The following CLSTN1 variants were observed in gnomAD, a reference collection of about 807,000 sequenced individuals.
CLSTN1 encodes calsyntenin 1, also known as calsyntenin-1.
In CLSTN1, 28 loss-of-function variants were observed where a neutral mutation model predicts 108.3. That is an observed-to-expected ratio of 0.26 (90% confidence interval 0.19 to 0.35). The LOEUF (loss-of-function observed/expected upper bound fraction) is 0.35, where lower values mean the gene tolerates loss of function less well. CLSTN1 is among the 10% of genes least tolerant of loss of function. The pLI is 1.00. For synonymous variants in CLSTN1, 524 were observed against 534.9 expected (o/e 0.98, Z 0.28); for missense variants, 1,157 against 1,302.6 (o/e 0.89, Z 1.72).
At position 9,731,385 on chromosome 1, in the gene CLSTN1, G is replaced by C; in HGVS notation, c.2569C>G (p.Pro857Ala). 1 of 1,613,476 alleles carries C rather than the reference G, an allele frequency of 6.2e-7. No homozygotes were observed. Among genetic ancestry groups the C allele is most frequent in the Non-Finnish European group, 8.5e-7 (1 of 1,179,424 alleles). The change falls in exon 18 of 19, where the codon CCC (proline) becomes GCC (alanine). Residue 857 changes from proline (P) to alanine (A), a missense_variant. Coordinates refer to ENST00000377298, the MANE Select transcript of CLSTN1 (RefSeq NM_001009566.3). ...LANPHPFAVVPSTATVVIVVC... is the reference protein window; with the variant it reads ...LANPHPFAVVASTATVVIVVC... ...ACGATCACAACTGTCGCAGTGCTGG[G>C]GACGACTGTGGGAGAATGAGGGGGC...
At chr1:9,731,102 G>A (rs372857026) in intron 18 of CLSTN1, 104 bp downstream of exon 18, 102 of 1,340,084 alleles carry the variant, frequency 7.6e-5, no homozygotes, top group Admixed American at 4.6e-4. Context: ...AGCAGATGAC[G>A]CGATGGAAAG....
rs138774376 is a variant in CLSTN1, at chr1:9,731,282, C to T, written c.2672G>A (p.Arg891Gln). The T allele has an allele frequency of 9.4e-5, 151 of 1,614,250 alleles. No individual in the cohort carries two copies. In the African/African-American group the frequency reaches 1.0e-3, roughly 11 times the overall value. ...RIRAAHRRTM[R>Q]DQDTGKENEM... The stretch of plus-strand genomic sequence containing the variant: ...GTTCTCCTTCCCGGTGTCCTGATCC[C>T]GCATGGTCCGCCGATGTGCGGCCCG... Residue 891 changes from arginine (R) to glutamine (Q), a missense_variant, in exon 18 of 19, where the codon CGG (arginine) becomes CAG (glutamine). Physicochemically the swap from Arg to Gln is conservative, Grantham distance 43 (BLOSUM62 1). Coordinates refer to ENST00000377298, the MANE Select transcript of CLSTN1 (RefSeq NM_001009566.3).
rs147714343 is a variant in CLSTN1, at chr1:9,730,958, T to C, written c.2748+248A>G. ...CCTCAGCTGCCCCACCAGAGAACTCTCTCAGGATTACCATGACCCAAGAGC... is the reference window on the plus strand; with the variant it reads ...CCTCAGCTGCCCCACCAGAGAACTCCCTCAGGATTACCATGACCCAAGAGC... On this transcript the variant is annotated intron_variant, in intron 18 of 18. Coordinates refer to ENST00000377298, the MANE Select transcript of CLSTN1 (RefSeq NM_001009566.3). This position sits in a 1 kb window ranked among gnomAD's most constrained non-coding sequence, Gnocchi z 5.6. Among the ~76,000 whole-genome samples the C allele has an allele frequency of 6.6e-6, 1 of 152,120 alleles. No individual in the cohort carries two copies. Among genetic ancestry groups the C allele is most frequent in the Non-Finnish European group, 1.5e-5 (1 of 68,028 alleles).
At position 9,806,236 on chromosome 1, in the gene CLSTN1, G is replaced by T. The variant is rs191422419; in HGVS notation, c.91+17407C>A. Among the ~76,000 whole-genome samples, 7 of 151,740 alleles carry T rather than the reference G, an allele frequency of 4.6e-5. No homozygotes were observed. In the East Asian group the frequency reaches 7.8e-4, roughly 17 times the overall value. ...ACCCAGGGCAGGGGGGGTGGAGGGG[G>T]GGAGGTTGCAGTGAGCTGAGATCAC... is the stretch of plus-strand genomic sequence containing the variant. On this transcript the variant is annotated intron_variant, in intron 1 of 18. Transcript: ENST00000377298.
chr1:9,742,518 A>G (rs1651035309), intron 9 of CLSTN1, among the ~76,000 whole-genome samples: 1 of 152,238 alleles, frequency 6.6e-6, no homozygotes, highest in East Asian at 1.9e-4. Context: ...TATACTTAGA[A>G]GAAACTAAAT....
chr1:9,733,961 G>T lies in CLSTN1; in HGVS notation c.2281+11C>A. The T allele has an allele frequency of 1.2e-6, 2 of 1,602,668 alleles. No homozygotes were observed. Among genetic ancestry groups the T allele is most frequent in the Non-Finnish European group, 8.5e-7 (1 of 1,173,258 alleles). On this transcript the variant is annotated intron_variant, in intron 15 of 18. Transcript: ENST00000377298. ...CCTGGCCCACCTGCGTGGCTGCAGC[G>T]CTCCCCTTACCTGTGAAGGTCATGC...
At chr1:9,761,481 G>A (rs1047952909) in intron 2 of CLSTN1, among the ~76,000 whole-genome samples, 7 of 152,150 alleles carry the variant, frequency 4.6e-5, no homozygotes, top group South Asian at 2.1e-4. Flanking sequence ...TACTCTGGGC[G>A]ACGGAGTGAG....
chr1:9,755,349 A>G (rs373800537), intron 3 of CLSTN1, 40 bp from the exon 4 acceptor site: 5 of 1,532,096 alleles, frequency 3.3e-6, no homozygotes, highest in Non-Finnish European at 4.5e-6. Flanking sequence ...TTCCTACCAC[A>G]TAGATCTTCT....
intron 1 of CLSTN1, among the ~76,000 whole-genome samples, chr1:9,787,719 T>C (rs1653561845): frequency 6.6e-6 from 1 of 151,342 alleles, no homozygotes; most frequent in African/African-American, 2.4e-5. Flanking sequence ...TCCAAACAAG[T>C]TTTTTTAATG....
chr1:9,730,548 T>TGCC lies in CLSTN1; in HGVS notation c.2903_2905dup (p.Arg968dup), dbSNP rs1173105567. ...GGAGTCATCCCACTCCAGCTGCTGCTGCCGGGTTGCGTTCTGGGGGTCGCC... is the reference window on the plus strand; with the variant it reads ...GGAGTCATCCCACTCCAGCTGCTGCTGCCGCCGGGTTGCGTTCTGGGGGTCGCC... On this transcript the variant is annotated inframe_insertion, in exon 19 of 19. Coordinates refer to ENST00000377298, the MANE Select transcript of CLSTN1 (RefSeq NM_001009566.3). The surrounding 1 kb of genome is among the most constrained non-coding windows in gnomAD (Gnocchi z 5.6). The TGCC allele has an allele frequency of 3.1e-6, 5 of 1,607,420 alleles. No individual in the cohort carries two copies. The highest frequency in any genetic ancestry group is 3.4e-6 in the Non-Finnish European group (4 of 1,179,954).
At chr1:9,815,212 C>A (rs1654922468) in intron 1 of CLSTN1, among the ~76,000 whole-genome samples, 1 of 152,142 alleles carries the variant, frequency 6.6e-6, no homozygotes, top group South Asian at 2.1e-4. Flanking sequence ...AAAATTTAGT[C>A]CTCAGGAAAG....
At chr1:9,745,901 T>C (rs937267171) in intron 7 of CLSTN1, among the ~76,000 whole-genome samples, 3 of 150,406 alleles carry the variant, frequency 2.0e-5, no homozygotes, top group Non-Finnish European at 3.0e-5. Flanking sequence ...CCCAAGTAGC[T>C]GGGACCACAG....
chr1:9,742,939 T>C (rs1570442071), intron 9 of CLSTN1, among the ~76,000 whole-genome samples: 1 of 152,118 alleles, frequency 6.6e-6, no homozygotes, highest in Admixed American at 6.6e-5. Context: ...TGCTACCAAC[T>C]GGACACCCAC....
chr1:9,764,411 T>G (rs1054526864), intron 2 of CLSTN1, among the ~76,000 whole-genome samples: 2 of 151,956 alleles, frequency 1.3e-5, no homozygotes, highest in Non-Finnish European at 2.9e-5. Flanking sequence ...CCAAGGCAGG[T>G]GGATCACTTG....
At chr1:9,749,429 C>T (rs1557697172) in intron 7 of CLSTN1, 32 bp downstream of exon 7, 2 of 1,579,822 alleles carry the variant, frequency 1.3e-6, no homozygotes, top group Non-Finnish European at 1.7e-6. Context: ...TCACCAAAGC[C>T]AGCCGGATGC....
At chr1:9,731,564 G>A (rs1286279986) in intron 17 of CLSTN1, among the ~76,000 whole-genome samples, 174 bp from the exon 18 acceptor site, 1 of 152,234 alleles carries the variant, frequency 6.6e-6, no homozygotes, top group Non-Finnish European at 1.5e-5. Context: ...ACCTGGCTCG[G>A]CCACGTCCTG....
Position 9,755,487 on chromosome 1 carries a change from G to A in CLSTN1, c.245-178C>T, listed in dbSNP as rs111447463. Among the ~76,000 whole-genome samples, 199 of 152,232 alleles carry A rather than the reference G, an allele frequency of 1.3e-3. 1 individual carries two copies. The highest frequency in any genetic ancestry group is 2.3e-3 in the Non-Finnish European group (157 of 68,028). Reference sequence around the variant, plus strand: ...TGTTTTAAACATGGGGAAGTTCTCGGGCTTTAGTAAGATGAAGCAGATTCT... The same window carrying A: ...TGTTTTAAACATGGGGAAGTTCTCGAGCTTTAGTAAGATGAAGCAGATTCT... On this transcript the variant is annotated intron_variant, in intron 3 of 18. Transcript: ENST00000377298.
chr1:9,800,861 C>T (rs1411217937), intron 1 of CLSTN1, among the ~76,000 whole-genome samples: 1 of 151,890 alleles, frequency 6.6e-6, no homozygotes, highest in Non-Finnish European at 1.5e-5. Flanking sequence ...ATAGCTGGAA[C>T]CTGGGAGGCG....
intron 1 of CLSTN1, among the ~76,000 whole-genome samples, chr1:9,791,141 C>CAAAAAAA (rs139466878): frequency 3.8e-4 from 28 of 74,028 alleles, no homozygotes; most frequent in Non-Finnish European, 7.1e-4. Context: ...GACTCTATCT[C>CAAAAAAA]AAAAAAAAAA....
Sources: gnomAD v4.1 joint callset for allele counts (sites outside exome capture counted in the v4.1 genomes callset) on GRCh38, gnomAD v4.1.1 for gene constraint, Gnocchi (gnomAD v3.1) non-coding constraint, MANE v1.5 for transcripts, NCBI Gene and HGNC (gene_info 2026-07-23, HGNC 2026-07-21) for gene names.